The following AZIN1 variants were observed in gnomAD, a reference collection of about 807,000 sequenced individuals.
AZIN1 encodes antizyme inhibitor 1.
A neutral mutation model predicts 47.4 loss-of-function variants in AZIN1; 12 were observed. That is an observed-to-expected ratio of 0.25 (90% CI 0.16 to 0.41). AZIN1 has a LOEUF of 0.41. AZIN1 is among the 10% of genes least tolerant of loss of function. The probability of loss-of-function intolerance (pLI) is 1.00; values close to 1 mark genes in which losing one functional copy is unlikely to be tolerated. For missense variants in AZIN1, 410 were observed against 532.4 expected (o/e 0.77, Z 2.26); for synonymous variants, 155 against 176.3 (o/e 0.88, Z 0.96).
intron 2 of AZIN1, among the ~76,000 whole-genome samples, chr8:102,853,496 T>C (rs1813060871): frequency 6.6e-6 from 1 of 152,136 alleles, no homozygotes; most frequent in Non-Finnish European, 1.5e-5. Context: ...GAGCGAAACT[T>C]CGTCTCAAAA....
At chr8:102,832,640 A>T (rs1811532318) in intron 9 of AZIN1, among the ~76,000 whole-genome samples, 1 of 147,222 alleles carries the variant, frequency 6.8e-6, no homozygotes, top group Non-Finnish European at 1.5e-5. Flanking sequence ...CCTTGGCTTT[A>T]AGATTTTTTT....
In AZIN1 at chr8:102,839,679, G is replaced by C; in HGVS notation, c.247C>G (p.Leu83Val). ...APAVLEILAALGTGFACSSKN... is the reference protein window; with the variant it reads ...APAVLEILAAVGTGFACSSKN... ...CTGGAACAAGCAAATCCGGTTCCAA[G>C]AGCTGCCAAAATCTCAAGTACAGCT... is the stretch of plus-strand genomic sequence containing the variant. Residue 83 changes from leucine (L) to valine (V), a missense_variant, in exon 4 of 12, where the codon CTT becomes GTT. By Grantham distance (32) the Leu-to-Val change is conservative (BLOSUM62 1). This residue lies in a region of AZIN1 where 237 missense variants were observed against 309.4 expected (regional missense o/e 0.77). Transcript: ENST00000337198. 1 of 1,576,218 alleles carries C rather than the reference G, an allele frequency of 6.3e-7. No homozygotes were observed. Among genetic ancestry groups the C allele is most frequent in the Non-Finnish European group, 8.6e-7 (1 of 1,161,364 alleles).
chr8:102,853,997 G>A (rs564491994), intron 2 of AZIN1, among the ~76,000 whole-genome samples: 1 of 152,028 alleles, frequency 6.6e-6, no homozygotes, highest in African/African-American at 2.4e-5. Flanking sequence ...TCTACAGTGC[G>A]GTGGCACCAT....
intron 7 of AZIN1, 80 bp from the exon 8 acceptor site, chr8:102,834,343 G>C (rs1047448410): frequency 4.3e-6 from 5 of 1,169,892 alleles, no homozygotes; most frequent in African/African-American, 1.5e-5. Flanking sequence ...CCCTCCTAGG[G>C]AGGTAAATAT....
In AZIN1 at chr8:102,829,579, A is replaced by G. The variant is rs986571940; in HGVS notation, c.1021-93T>C. Reference sequence around the variant, plus strand: ...AAGTATTTTCACTGTCTCAGATCCAATGTGCTCATGGAAAAAAGGCCTAGA... The same window carrying G: ...AAGTATTTTCACTGTCTCAGATCCAGTGTGCTCATGGAAAAAAGGCCTAGA... On this transcript the variant is annotated intron_variant, in intron 10 of 11. Transcript: ENST00000337198. 7.4e-6 allele frequency: 9 copies of G among 1,216,942 alleles called. No homozygotes were observed. In the East Asian group the frequency reaches 1.9e-4, roughly 25 times the overall value. The allele number at this position is 1,216,942 out of a possible 1,614,324, so 75.4% of individuals were successfully genotyped here.
Position 102,827,954 on chromosome 8 carries a change from T to C in AZIN1, c.*613A>G, listed in dbSNP as rs777611079. The C allele has an allele frequency of 6.6e-5, 10 of 152,594 alleles. No homozygotes were observed. Among genetic ancestry groups the C allele is most frequent in the Non-Finnish European group, 1.3e-4 (9 of 68,014 alleles). The allele number at this position is 152,594 out of a possible 1,614,324, so 9.5% of individuals were successfully genotyped here. A position where few individuals can be genotyped will look rare whatever the true frequency, so the allele number is the denominator to read the frequency against. ...TCCATATACACATCTATTTCAAAAC[T>C]ACCTTTGCTAGCTAGCCCCTTTCCC... On this transcript the variant is annotated 3_prime_UTR_variant, in exon 12 of 12. Transcript: ENST00000337198.
At chr8:102,863,693 G>A (rs1366646451) in intron 1 of AZIN1, 114 bp downstream of exon 1, 1 of 151,072 alleles carries the variant, frequency 6.6e-6, no homozygotes, top group Admixed American at 6.6e-5. Flanking sequence ...GGCCGGCCGC[G>A]GGGCGCTGCG....
chr8:102,834,864 C>A, intron 6 of AZIN1, 117 bp from the exon 7 acceptor site: 2 of 661,948 alleles, frequency 3.0e-6, no homozygotes, highest in Non-Finnish European at 5.1e-6. Context: ...ATTAACTTTA[C>A]CAAATATTTA....
At chr8:102,830,125 C>G (rs1285063393) in intron 9 of AZIN1, 189 bp from the exon 10 acceptor site, 1 of 480,642 alleles carries the variant, frequency 2.1e-6, no homozygotes, top group East Asian at 3.8e-5. Flanking sequence ...GTGGCTCATA[C>G]CTGTAATCCT....
chr8:102,855,756 T>C (rs1813243710), intron 2 of AZIN1: 1 of 152,188 alleles, frequency 6.6e-6, no homozygotes. Flanking sequence ...CTACAGAAAA[T>C]TAACCCCAGG....
chr8:102,856,033 T>C lies in AZIN1; in HGVS notation c.-96+1980A>G, dbSNP rs527472345. On this transcript the variant is annotated intron_variant, in intron 2 of 11. Transcript: ENST00000337198. ...AAAATTTAGGAATATTAACACTAAA[T>C]GGGATAAGTAAAGACAAAAATAGCC... The C allele has an allele frequency of 2.7e-5, 4 of 150,864 alleles. 1 individual carries two copies. The South Asian group carries it at 8.4e-4, about 32-fold the overall frequency. 9.3% of individuals were successfully genotyped at this position (150,864 alleles called of 1,614,324 possible). A position where few individuals can be genotyped will look rare whatever the true frequency, so the allele number is the denominator to read the frequency against.
intron 2 of AZIN1, among the ~76,000 whole-genome samples, chr8:102,846,230 A>C (rs1812560122): frequency 6.6e-6 from 1 of 152,360 alleles, no homozygotes; most frequent in South Asian, 2.1e-4. Context: ...TTTAACAGTC[A>C]GGATCCTCAG....
intron 8 of AZIN1, 30 bp from the exon 9 acceptor site, chr8:102,833,248 T>G: frequency 6.3e-7 from 1 of 1,587,632 alleles, no homozygotes; most frequent in Non-Finnish European, 8.6e-7. Context: ...CAGTATGGTT[T>G]CAATATTGGA....
At chr8:102,834,799 C>G (rs1276897444) in intron 6 of AZIN1, 52 bp from the exon 7 acceptor site, 1 of 1,241,458 alleles carries the variant, frequency 8.1e-7, no homozygotes, top group South Asian at 1.3e-5. Context: ...GTAGAGACAC[C>G]TCCTGTAATT....
chr8:102,834,674 C>G lies in AZIN1; in HGVS notation c.658G>C (p.Asp220His). 6.2e-7 allele frequency: 1 copy of G among 1,604,572 alleles called. No individual in the cohort carries two copies. Among genetic ancestry groups the G allele is most frequent in the South Asian group, 1.1e-5 (1 of 89,656 alleles). ...TAAAAGAAAGAACTTACAGCCATGTCAAACACACATCGAGCATCAGATAGA... is the reference window on the plus strand; with the variant it reads ...TAAAAGAAAGAACTTACAGCCATGTGAAACACACATCGAGCATCAGATAGA... ...HALSDARCVF[D>H]MAGEIGFTMN... Residue 220 changes from aspartate to histidine, a missense_variant, in exon 7 of 12, where the codon GAC (aspartate) becomes CAC (histidine). Asp to His is a moderately conservative substitution (Grantham distance 81). Transcript: ENST00000337198.
rs192404661 is a variant in AZIN1 at position 102,842,525 on chromosome 8, G to A, written c.102+1026C>T. ...GTTCGAGACCAGCCTGGCCAACATGGTGAAACCCCACCTCTACTAAAAATA... is the reference window on the plus strand; with the variant it reads ...GTTCGAGACCAGCCTGGCCAACATGATGAAACCCCACCTCTACTAAAAATA... On this transcript the variant is annotated intron_variant, in intron 3 of 11. Coordinates refer to ENST00000337198, the MANE Select transcript of AZIN1 (RefSeq NM_148174.4). Among the ~76,000 whole-genome samples, 523 of 152,020 alleles carry A rather than the reference G, an allele frequency of 3.4e-3. 4 individuals carry two copies. The highest frequency in any genetic ancestry group is 0.011 in the African/African-American group (471 of 41,468).
At chr8:102,829,780 T>C in intron 10 of AZIN1, 41 bp downstream of exon 10, 3 of 1,443,666 alleles carry the variant, frequency 2.1e-6, no homozygotes, top group South Asian at 2.4e-5. Context: ...GCTCAGCTTA[T>C]AAAATGCCAA....
intron 2 of AZIN1, chr8:102,850,135 G>GAAGAC (rs1249999038): frequency 6.6e-6 from 1 of 152,190 alleles, no homozygotes; most frequent in Non-Finnish European, 1.5e-5. Flanking sequence ...TTTCTGAAGT[G>GAAGAC]AAGACCTCCC....
Position 102,839,835 on chromosome 8 carries a change from AT to A in AZIN1, c.103-13del, listed in dbSNP as rs757007283. 6.5e-7 allele frequency: 1 copy of A among 1,538,350 alleles called. No individual in the cohort carries two copies. Among genetic ancestry groups the A allele is most frequent in the Non-Finnish European group, 8.8e-7 (1 of 1,141,674 alleles). On this transcript the variant is annotated splice_polypyrimidine_tract_variant and intron_variant, in intron 3 of 11. Transcript: ENST00000337198. ...GCATTTTTCCCTGTCTATTATGGTT[AT>A]AAAAAAAAAGACAAATATGAACAAA...
Sources: gnomAD v4.1 joint callset for allele counts (sites outside exome capture counted in the v4.1 genomes callset) on GRCh38, gnomAD v4.1.1 for gene constraint, gnomAD v4.1.1 regional missense constraint, MANE v1.5 for transcripts, NCBI Gene and HGNC (gene_info 2026-07-23, HGNC 2026-07-21) for gene names.